NRG3: variants seen among roughly 807,000 people sequenced by gnomAD.
NRG3 encodes the protein neuregulin 3.
A neutral mutation model predicts 66.9 loss-of-function variants in NRG3; 31 were observed. The observed-to-expected ratio is 0.46, with a 90% CI of 0.35 to 0.63. NRG3 has a LOEUF of 0.63. Ranked by LOEUF, NRG3 falls within the 20% of genes least tolerant of loss-of-function variation. NRG3 has a pLI of 0.00. For synonymous variants in NRG3, 393 were observed against 359.4 expected, an observed-to-expected ratio of 1.09 and a Z score of -1.06; for missense variants, 910 against 878.9, an observed-to-expected ratio of 1.04 and a Z score of -0.45.
chr10:81,878,728 G>A (rs571108674), intron 1 of NRG3, among the ~76,000 whole-genome samples: 2 of 151,976 alleles, frequency 1.3e-5, no homozygotes, highest in Non-Finnish European at 2.9e-5. Flanking sequence ...GGATTCTGTT[G>A]TAGTACTTGA....
At chr10:82,226,470 C>T (rs2133830783) in intron 1 of NRG3, among the ~76,000 whole-genome samples, 1 of 152,218 alleles carries the variant, frequency 6.6e-6, no homozygotes, top group African/African-American at 2.4e-5. Context: ...TTTGAATCCT[C>T]CTTCTGTACC....
rs371115146 is a variant in NRG3, at chr10:81,961,048, T to G, written c.823+84885T>G. Among the ~76,000 whole-genome samples the G allele has an allele frequency of 4.6e-5, 7 of 152,312 alleles. No individual in the cohort carries two copies. In the East Asian group the frequency reaches 1.4e-3, roughly 29 times the overall value. On this transcript the variant is annotated intron_variant, in intron 1 of 8. Transcript: ENST00000372141. Reference sequence around the variant, plus strand: ...TTTGGCTTACCTGCACCTTCTAAGCTAGCACCACTGTCTTACTTAATGGAC... The same window carrying G: ...TTTGGCTTACCTGCACCTTCTAAGCGAGCACCACTGTCTTACTTAATGGAC...
At chr10:82,769,492 AT>A (rs2059635795) in intron 3 of NRG3, among the ~76,000 whole-genome samples, 1 of 152,148 alleles carries the variant, frequency 6.6e-6, no homozygotes, top group South Asian at 2.1e-4. Flanking sequence ...TAATTTCAAT[AT>A]TAAAAAAATA....
At chr10:82,512,247 C>A (rs758497203) in intron 2 of NRG3, among the ~76,000 whole-genome samples, 9 of 151,184 alleles carry the variant, frequency 6.0e-5, no homozygotes, top group Non-Finnish European at 7.4e-5. Flanking sequence ...TATACATATA[C>A]ACATTCCATA....
At chr10:81,938,724 C>T (rs1230224146) in intron 1 of NRG3, among the ~76,000 whole-genome samples, 1 of 151,498 alleles carries the variant, frequency 6.6e-6, no homozygotes, top group African/African-American at 2.4e-5. Context: ...TTCACTTCTT[C>T]CTTTTCACCT....
chr10:82,909,286 C>T (rs1341974735), intron 4 of NRG3, among the ~76,000 whole-genome samples: 1 of 152,174 alleles, frequency 6.6e-6, no homozygotes, highest in African/African-American at 2.4e-5. Context: ...TTGACTTTAA[C>T]ATAATGAATC....
intron 1 of NRG3, among the ~76,000 whole-genome samples, chr10:82,222,003 T>C (rs558831293): frequency 2.6e-4 from 39 of 151,988 alleles, no homozygotes; most frequent in Non-Finnish European, 5.0e-4. Flanking sequence ...TGCAGTTGCC[T>C]GACATGACAT....
At chr10:82,887,207 G>A (rs1014524118) in intron 4 of NRG3, among the ~76,000 whole-genome samples, 5 of 152,156 alleles carry the variant, frequency 3.3e-5, no homozygotes, top group Non-Finnish European at 7.3e-5. Context: ...CAGAGATTAG[G>A]ATAGAGCAAG....
Position 82,650,704 on chromosome 10 carries a change from G to T in NRG3, c.954-87873G>T, listed in dbSNP as rs982933600. Among the ~76,000 whole-genome samples, 3 of 152,116 alleles carry T rather than the reference G, an allele frequency of 2.0e-5. No homozygotes were observed. In the East Asian group the frequency reaches 5.8e-4, roughly 29 times the overall value. ...TTTCCAGACACAGAAAAAGTTTGAGGTACATATTTTTTCTTGGTAATCCAA... is the reference window on the plus strand; with the variant it reads ...TTTCCAGACACAGAAAAAGTTTGAGTTACATATTTTTTCTTGGTAATCCAA... On this transcript the variant is annotated intron_variant, in intron 2 of 8. Coordinates refer to ENST00000372141, the MANE Select transcript of NRG3 (RefSeq NM_001010848.4).
intron 4 of NRG3, among the ~76,000 whole-genome samples, chr10:82,907,089 A>G (rs1460352719): frequency 6.6e-6 from 1 of 152,186 alleles, no homozygotes. Context: ...CAGAGAATGA[A>G]GAAAATGTTC....
intron 4 of NRG3, among the ~76,000 whole-genome samples, chr10:82,923,011 G>A (rs1467697486): frequency 3.3e-5 from 5 of 152,108 alleles, no homozygotes; most frequent in Non-Finnish European, 4.4e-5. Flanking sequence ...TGACTCGGCA[G>A]GGAAATGTGA....
intron 2 of NRG3, among the ~76,000 whole-genome samples, chr10:82,551,403 G>T (rs1036719052): frequency 6.6e-6 from 1 of 151,906 alleles, no homozygotes; most frequent in Non-Finnish European, 1.5e-5. Context: ...CATAGAGGAG[G>T]AAAAAAGTCT....
At chr10:82,737,273 A>G (rs2134725790) in intron 2 of NRG3, among the ~76,000 whole-genome samples, 1 of 152,300 alleles carries the variant, frequency 6.6e-6, no homozygotes, top group South Asian at 2.1e-4. Flanking sequence ...AGGCTTAAAA[A>G]GGTGTTGAAG....
Position 82,715,270 on chromosome 10 carries a change from C to T in NRG3, c.954-23307C>T, listed in dbSNP as rs147390881. 3.5e-4 allele frequency among the ~76,000 whole-genome samples: 53 copies of T among 152,262 alleles called. No individual in the cohort carries two copies. The South Asian group carries it at 8.3e-3, about 24-fold the overall frequency. On this transcript the variant is annotated intron_variant, in intron 2 of 8. Transcript: ENST00000372141. ...ACAATTAGCCAGCTGTGATGGCACA[C>T]GCCTGTAGTCCCAACCGCTTTGGAG...
chr10:81,907,584 C>T (rs568853649), intron 1 of NRG3, among the ~76,000 whole-genome samples: 1 of 152,232 alleles, frequency 6.6e-6, no homozygotes, highest in South Asian at 2.1e-4. Flanking sequence ...AAAAAGATCT[C>T]TACTGAAACT....
At chr10:82,664,221 GT>G (rs1365186065) in intron 2 of NRG3, among the ~76,000 whole-genome samples, 2 of 152,130 alleles carry the variant, frequency 1.3e-5, no homozygotes, top group African/African-American at 4.8e-5. Context: ...ACAATAAATA[GT>G]TTAAATAATA....
At chr10:82,659,573 G>A (rs1442198047) in intron 2 of NRG3, among the ~76,000 whole-genome samples, 1 of 152,068 alleles carries the variant, frequency 6.6e-6, no homozygotes, top group African/African-American at 2.4e-5. Flanking sequence ...TGAACATGGG[G>A]GTGAAGGTTG....
intron 1 of NRG3, among the ~76,000 whole-genome samples, chr10:82,142,383 A>AGGGAG (rs2069860274): frequency 6.6e-6 from 1 of 152,158 alleles, no homozygotes; most frequent in African/African-American, 2.4e-5. Context: ...TGGCCTCCCA[A>AGGGAG]GGGAGGCAGA....
intron 2 of NRG3, among the ~76,000 whole-genome samples, chr10:82,640,312 A>G (rs1292513713): frequency 6.6e-6 from 1 of 152,250 alleles, no homozygotes; most frequent in Non-Finnish European, 1.5e-5. Context: ...CATATACACC[A>G]TGGAATACTA....
Sources: gnomAD v4.1 joint callset for allele counts (sites outside exome capture counted in the v4.1 genomes callset) on GRCh38, gnomAD v4.1.1 for gene constraint, MANE v1.5 for transcripts, NCBI Gene and HGNC (gene_info 2026-07-23, HGNC 2026-07-21) for gene names.